Variants in BCAS3 observed in about 807,000 individuals in gnomAD.
BCAS3 encodes the protein BCAS3 microtubule associated cell migration factor, also known as BCAS4/BCAS3 fusion.
A neutral mutation model predicts 116.1 loss-of-function variants in BCAS3; 53 were observed. That is an observed-to-expected ratio of 0.46 (90% CI 0.37 to 0.57). The LOEUF (loss-of-function observed/expected upper bound fraction) is 0.57. BCAS3 is among the 20% of genes least tolerant of loss of function. The probability of loss-of-function intolerance (pLI) is 0.00; values close to 1 mark genes in which losing one functional copy is unlikely to be tolerated. For synonymous variants in BCAS3, 391 were observed against 408.2 expected, an observed-to-expected ratio of 0.96 and a Z score of 0.51; for missense variants, 917 against 1,165.4, an observed-to-expected ratio of 0.79 and a Z score of 3.10.
chr17:61,371,813 G>C (rs2059062709), intron 23 of BCAS3, among the ~76,000 whole-genome samples: 1 of 152,206 alleles, frequency 6.6e-6, no homozygotes, highest in African/African-American at 2.4e-5. Context: ...GCCCAGCCCT[G>C]CTCAGCCGAG....
chr17:60,815,496 A>C (rs1011706613), intron 7 of BCAS3, among the ~76,000 whole-genome samples: 2 of 152,240 alleles, frequency 1.3e-5, no homozygotes, highest in African/African-American at 4.8e-5. Context: ...TCCAATACAA[A>C]GTAATTTCAA....
At position 61,204,325 on chromosome 17, in the gene BCAS3, T is replaced by A. The variant is rs557172228; in HGVS notation, c.2425+119761T>A. The stretch of plus-strand genomic sequence containing the variant: ...TGCATTTCTATAAATAGAATGAAGG[T>A]CATGTGAACGAGTTCAGAAGATTCT... On this transcript the variant is annotated intron_variant, in intron 22 of 23. Transcript: ENST00000407086. This position sits in a 1 kb window ranked among gnomAD's most constrained non-coding sequence, Gnocchi z 4.2. 6.8e-4 allele frequency among the ~76,000 whole-genome samples: 103 copies of A among 152,220 alleles called. No homozygotes were observed. The highest frequency in any genetic ancestry group is 1.3e-3 in the Non-Finnish European group (88 of 68,040).
intron 6 of BCAS3, among the ~76,000 whole-genome samples, chr17:60,770,693 G>C (rs1374572629): frequency 6.6e-6 from 1 of 151,162 alleles, no homozygotes; most frequent in Non-Finnish European, 1.5e-5. Context: ...ACAGGCATGA[G>C]CCACTGCACC....
intron 12 of BCAS3, among the ~76,000 whole-genome samples, chr17:60,923,334 T>TTG (rs1375110498): frequency 1.3e-5 from 2 of 152,180 alleles, no homozygotes; most frequent in Non-Finnish European, 2.9e-5. Flanking sequence ...GGTGTGCAAG[T>TTG]TGTATCTTTG....
In BCAS3 at chr17:61,366,165, A is replaced by C. The variant is rs1468261068; in HGVS notation, c.2426-2162A>C. ...CAAAAAAAAAAAAAAAAGTTGAGCC[A>C]ACAGGGAGGAGGAGGGCCCACGTTT... On this transcript the variant is annotated intron_variant, in intron 22 of 23. Transcript: ENST00000407086. The surrounding 1 kb of genome is among the most constrained non-coding windows in gnomAD (Gnocchi z 4.5). Among the ~76,000 whole-genome samples, 2 of 151,836 alleles carry C rather than the reference A, an allele frequency of 1.3e-5. No homozygotes were observed. Among genetic ancestry groups the C allele is most frequent in the East Asian group, 3.9e-4 (2 of 5,176 alleles).
At chr17:61,137,742 G>A (rs1352976461) in intron 22 of BCAS3, among the ~76,000 whole-genome samples, 1 of 152,220 alleles carries the variant, frequency 6.6e-6, no homozygotes, top group African/African-American at 2.4e-5. Context: ...ATTCCAGCCT[G>A]GGTGACAGAG....
chr17:61,181,286 A>G lies in BCAS3; in HGVS notation c.2425+96722A>G, dbSNP rs1346161802. Among the ~76,000 whole-genome samples, 2 of 152,232 alleles carry G rather than the reference A, an allele frequency of 1.3e-5. No homozygotes were observed. The highest frequency in any genetic ancestry group is 3.8e-4 in the East Asian group (2 of 5,202). The stretch of plus-strand genomic sequence containing the variant: ...GTTCCTTGCCTAAGCCCATGCTTAC[A>G]TGCTAAGGCCTGAAACTGTGAAGAC... On this transcript the variant is annotated intron_variant, in intron 22 of 23. Transcript: ENST00000407086. This position sits in a 1 kb window ranked among gnomAD's most constrained non-coding sequence, Gnocchi z 5.0.
chr17:61,184,999 A>G (rs1451245048), intron 22 of BCAS3, among the ~76,000 whole-genome samples: 1 of 152,100 alleles, frequency 6.6e-6, no homozygotes, highest in Non-Finnish European at 1.5e-5. Flanking sequence ...AATATTCTAT[A>G]TCTTGATTAT....
intron 22 of BCAS3, chr17:61,086,908 A>C (rs2073138264): frequency 2.0e-6 from 2 of 985,384 alleles, no homozygotes; most frequent in Admixed American, 1.2e-4. Flanking sequence ...TTGAGTGAAT[A>C]ATGTTTTGTC....
At chr17:61,006,457 CAAG>C (rs982444177) in intron 15 of BCAS3, among the ~76,000 whole-genome samples, 4 of 151,972 alleles carry the variant, frequency 2.6e-5, no homozygotes, top group Non-Finnish European at 5.9e-5. Context: ...TTTGTTGAAA[CAAG>C]AAGATAGGAT....
chr17:60,998,154 T>C (rs1048723469), intron 15 of BCAS3, among the ~76,000 whole-genome samples: 9 of 152,224 alleles, frequency 5.9e-5, no homozygotes, highest in African/African-American at 2.2e-4. Context: ...GCAGCACCTA[T>C]GTTGCTGCAA....
chr17:60,764,885 T>G (rs926897502), intron 6 of BCAS3, among the ~76,000 whole-genome samples: 1 of 152,216 alleles, frequency 6.6e-6, no homozygotes, highest in Non-Finnish European at 1.5e-5. Flanking sequence ...CACTCCTGTA[T>G]TGGGTGCATA....
chr17:60,848,649 G>T (rs1008806875), intron 7 of BCAS3, among the ~76,000 whole-genome samples: 3 of 152,008 alleles, frequency 2.0e-5, no homozygotes, highest in African/African-American at 7.3e-5. Context: ...TATTGAATAT[G>T]GAGTTAGCTG....
chr17:60,760,978 T>C (rs968930145), intron 6 of BCAS3, among the ~76,000 whole-genome samples: 2 of 152,122 alleles, frequency 1.3e-5, no homozygotes, highest in African/African-American at 4.8e-5. Context: ...GATTCTTCCT[T>C]CTGCTTGATC....
In BCAS3 at chr17:61,260,634, C is replaced by T. The variant is rs143810474; in HGVS notation, c.2426-107693C>T. 4.7e-3 allele frequency among the ~76,000 whole-genome samples: 720 copies of T among 152,242 alleles called. 4 individuals are homozygous for T. The highest frequency in any genetic ancestry group is 8.1e-3 in the Non-Finnish European group (551 of 68,020). On this transcript the variant is annotated intron_variant, in intron 22 of 23. Coordinates refer to ENST00000407086, the MANE Select transcript of BCAS3 (RefSeq NM_017679.5). ...CGGGTAAAATTAGATGCTGGCTGGA[C>T]GTCAGTAGTTGAGTTTGAAAGCTTT...
chr17:60,808,758 A>T (rs2048512908), intron 7 of BCAS3, among the ~76,000 whole-genome samples: 1 of 152,236 alleles, frequency 6.6e-6, no homozygotes, highest in Non-Finnish European at 1.5e-5. Context: ...ATGTGGCTGA[A>T]AAGAAAAAGT....
chr17:61,081,470 A>G (rs1160882710), intron 21 of BCAS3, among the ~76,000 whole-genome samples: 2 of 152,248 alleles, frequency 1.3e-5, no homozygotes, highest in Non-Finnish European at 2.9e-5. Flanking sequence ...TAACTCCCCA[A>G]ATTTTGTTTA....
rs780031076 is a variant in BCAS3, at chr17:61,082,045, C to G, written c.2328-2422C>G. ...GAAACAGGCAGGCATAGTGTTGACT[C>G]TCATCCATAAGGGAATCAGGCAAGC... On this transcript the variant is annotated intron_variant, in intron 21 of 23. Transcript: ENST00000407086. The surrounding 1 kb of genome is among the most constrained non-coding windows in gnomAD (Gnocchi z 5.1). Among the ~76,000 whole-genome samples the G allele has an allele frequency of 8.6e-5, 13 of 151,898 alleles. No homozygotes were observed. Among genetic ancestry groups the G allele is most frequent in the Non-Finnish European group, 1.8e-4 (12 of 67,972 alleles).
chr17:61,278,147 A>G lies in BCAS3; in HGVS notation c.2426-90180A>G, dbSNP rs978767524. 3.9e-5 allele frequency among the ~76,000 whole-genome samples: 6 copies of G among 152,130 alleles called. No homozygotes were observed. The highest frequency in any genetic ancestry group is 6.5e-5 in the Admixed American group (1 of 15,276). ...TGCCTCCCGGGTCCTGATTCAAGCA[A>G]TTCTCCTGCCTCAGCCTCCCGAGTA... On this transcript the variant is annotated intron_variant, in intron 22 of 23. Transcript: ENST00000407086. This position sits in a 1 kb window ranked among gnomAD's most constrained non-coding sequence, Gnocchi z 5.8.
Sources: gnomAD v4.1 joint callset for allele counts (sites outside exome capture counted in the v4.1 genomes callset) on GRCh38, gnomAD v4.1.1 for gene constraint, Gnocchi (gnomAD v3.1) non-coding constraint, MANE v1.5 for transcripts, NCBI Gene and HGNC (gene_info 2026-07-23, HGNC 2026-07-21) for gene names.